Variants in RBPJ observed in about 807,000 individuals in gnomAD.
The protein encoded by RBPJ is recombination signal binding protein for immunoglobulin kappa J region, also known as recombining binding protein suppressor of hairless.
RBPJ carries 9 observed loss-of-function variants against 67.8 expected under a neutral mutation model. The ratio of observed to expected loss-of-function variants is 0.13; its 90% confidence interval spans 0.08 to 0.23. The LOEUF is 0.23. Ranked by LOEUF, RBPJ falls within the 10% of genes least tolerant of loss-of-function variation. The probability of loss-of-function intolerance (pLI) is 1.00; values close to 1 mark genes in which losing one functional copy is unlikely to be tolerated. For missense variants in RBPJ, 305 were observed against 595.6 expected, an observed-to-expected ratio of 0.51 and a Z score of 5.08; for synonymous variants, 198 against 203.3, an observed-to-expected ratio of 0.97 and a Z score of 0.22.
chr4:26,394,798 G>A (rs935185731), intron 2 of RBPJ, among the ~76,000 whole-genome samples: 26 of 152,310 alleles, frequency 1.7e-4, no homozygotes, highest in African/African-American at 5.1e-4. Flanking sequence ...TCTAAAGAAC[G>A]TAATCTTAAC....
chr4:26,279,851 G>A (rs1265562361), intron 1 of RBPJ, among the ~76,000 whole-genome samples: 4 of 144,278 alleles, frequency 2.8e-5, no homozygotes, highest in East Asian at 2.1e-4. Flanking sequence ...GCAGTGTCTC[G>A]AACAAGGCTC....
At chr4:26,389,499 AT>A (rs1312010396) in intron 2 of RBPJ, among the ~76,000 whole-genome samples, 1 of 149,300 alleles carries the variant, frequency 6.7e-6, no homozygotes, top group Non-Finnish European at 1.5e-5. Context: ...CATATTAAAA[AT>A]TGAAAGAATT....
intron 1 of RBPJ, among the ~76,000 whole-genome samples, chr4:26,234,734 C>T (rs565129318): frequency 2.6e-5 from 4 of 151,758 alleles, no homozygotes; most frequent in Admixed American, 2.6e-4. Flanking sequence ...GCTCTGTCAC[C>T]CAGGCTGGAG....
chr4:26,164,302 T>C (rs1716179033), intron 1 of RBPJ, among the ~76,000 whole-genome samples: 1 of 152,240 alleles, frequency 6.6e-6, no homozygotes, highest in Non-Finnish European at 1.5e-5. Flanking sequence ...ACATTACATA[T>C]ACATTACAAT....
At chr4:26,328,189 C>T (rs1379481737) in intron 1 of RBPJ, among the ~76,000 whole-genome samples, 1 of 151,682 alleles carries the variant, frequency 6.6e-6, no homozygotes, top group Non-Finnish European at 1.5e-5. Flanking sequence ...AATCCATACA[C>T]CATTTGGAGT....
chr4:26,315,167 A>AAAAAAAAAAT (rs1325689348), upstream of RBPJ, among the ~76,000 whole-genome samples: 22 of 74,756 alleles, frequency 2.9e-4, no homozygotes, highest in East Asian at 9.1e-4. Context: ...AAAAAAAAAA[A>AAAAAAAAAAT]ATATATATAT....
At chr4:26,177,300 G>A (rs1716829777) in intron 1 of RBPJ, among the ~76,000 whole-genome samples, 1 of 152,216 alleles carries the variant, frequency 6.6e-6, no homozygotes, top group Non-Finnish European at 1.5e-5. Flanking sequence ...TGTGGGCTGG[G>A]CGCAGTGGCT....
chr4:26,286,310 C>T (rs969526412), intron 1 of RBPJ, among the ~76,000 whole-genome samples: 3 of 152,028 alleles, frequency 2.0e-5, no homozygotes, highest in African/African-American at 7.2e-5. Context: ...GAGACCAGGT[C>T]TCTTTAAAAA....
chr4:26,337,443 GGT>G lies in RBPJ; in HGVS notation c.20+16396_20+16397del, dbSNP rs1367439955. The stretch of plus-strand genomic sequence containing the variant: ...ATATTGTTCTTCTTGTTGCTTGGGT[GGT>G]TAAACAGTATCTCTTCTGTAGCTCT... On this transcript the variant is annotated intron_variant, in intron 1 of 10. Transcript: ENST00000355476. 1.1e-4 allele frequency among the ~76,000 whole-genome samples: 16 copies of G among 151,864 alleles called. 1 individual carries two copies. Among genetic ancestry groups the G allele is most frequent in the African/African-American group, 3.9e-4 (16 of 41,372 alleles).
chr4:26,380,439 A>G (rs1013118906), intron 1 of RBPJ, among the ~76,000 whole-genome samples: 7 of 152,224 alleles, frequency 4.6e-5, no homozygotes, highest in Non-Finnish European at 1.0e-4. Context: ...TCTGGACACA[A>G]GGAGCAAAAG....
At chr4:26,403,382 T>C (rs1305237414) in intron 2 of RBPJ, among the ~76,000 whole-genome samples, 2 of 152,074 alleles carry the variant, frequency 1.3e-5, no homozygotes, top group African/African-American at 4.8e-5. Flanking sequence ...TTTCCAAGAA[T>C]TTTTTTTAAA....
At chr4:26,321,459 C>T (rs1223558184) in intron 1 of RBPJ, 1 of 152,010 alleles carries the variant, frequency 6.6e-6, no homozygotes, top group Non-Finnish European at 1.5e-5. Context: ...CACCGCTACC[C>T]GCTGCGACTC....
chr4:26,194,352 G>GCA (rs150183539), intron 1 of RBPJ, among the ~76,000 whole-genome samples: 4 of 152,120 alleles, frequency 2.6e-5, no homozygotes, highest in African/African-American at 9.7e-5. Flanking sequence ...ATGCACATGA[G>GCA]CACACACACA....
chr4:26,169,678 T>C (rs1716485205), intron 1 of RBPJ, among the ~76,000 whole-genome samples: 1 of 152,148 alleles, frequency 6.6e-6, no homozygotes, highest in African/African-American at 2.4e-5. Context: ...CCCCCAGAGG[T>C]GGAGCCTACA....
intron 1 of RBPJ, among the ~76,000 whole-genome samples, chr4:26,245,442 T>TCCCAAA (rs1236217592): frequency 1.4e-4 from 21 of 152,134 alleles, no homozygotes; most frequent in African/African-American, 3.4e-4. Context: ...CTCCTGACCT[T>TCCCAAA]GTGGTCCACC....
intron 3 of RBPJ, 26 bp from the exon 4 acceptor site, chr4:26,415,449 T>C (rs1470465879): frequency 6.5e-7 from 1 of 1,542,670 alleles, no homozygotes; most frequent in Admixed American, 2.2e-5. Context: ...GCTTCTTGTT[T>C]TTTTTTTTCC....
chr4:26,387,138 C>A (rs908612245), intron 2 of RBPJ, among the ~76,000 whole-genome samples: 1 of 152,098 alleles, frequency 6.6e-6, no homozygotes, highest in African/African-American at 2.4e-5. Flanking sequence ...CTTAATGGCT[C>A]CATGGTTTTT....
At chr4:26,253,180 ATAT>A (rs1478850733) in intron 1 of RBPJ, among the ~76,000 whole-genome samples, 2 of 152,222 alleles carry the variant, frequency 1.3e-5, no homozygotes, top group Non-Finnish European at 2.9e-5. Context: ...GGTATTACTC[ATAT>A]AATCAAAGTA....
intron 1 of RBPJ, among the ~76,000 whole-genome samples, chr4:26,203,776 C>A (rs1421101499): frequency 1.3e-5 from 2 of 152,188 alleles, no homozygotes; most frequent in African/African-American, 4.8e-5. Flanking sequence ...CGGAGGTTGG[C>A]CTTTAAGTAA....
Sources: gnomAD v4.1 joint callset for allele counts (sites outside exome capture counted in the v4.1 genomes callset) on GRCh38, gnomAD v4.1.1 for gene constraint, MANE v1.5 for transcripts, NCBI Gene and HGNC (gene_info 2026-07-23, HGNC 2026-07-21) for gene names.